The following ULK4 variants were observed in gnomAD, a reference collection of about 807,000 sequenced individuals.
The protein encoded by ULK4 is unc-51 like kinase 4, also known as inactive serine/threonine-protein kinase ULK4.
In ULK4, 133 loss-of-function variants were observed where a neutral mutation model predicts 160.6. The ratio of observed to expected loss-of-function variants is 0.83; its 90% CI spans 0.72 to 0.96. The LOEUF is 0.96. Ranked by LOEUF, ULK4 falls within the 40% of genes least tolerant of loss-of-function variation. ULK4 has a pLI of 0.00. For synonymous variants in ULK4, 534 were observed against 539.8 expected, an observed-to-expected ratio of 0.99 and a Z score of 0.15; for missense variants, 1,580 against 1,499.5, an observed-to-expected ratio of 1.05 and a Z score of -0.89.
intron 17 of ULK4, among the ~76,000 whole-genome samples, chr3:41,842,334 G>T: frequency 6.6e-6 from 1 of 152,044 alleles, no homozygotes; most frequent in Non-Finnish European, 1.5e-5. Context: ...AAAAATGGTT[G>T]CAATTATTCT....
Position 41,787,841 on chromosome 3 carries a change from T to C in ULK4, c.2193+1820A>G, listed in dbSNP as rs184293740. On this transcript the variant is annotated intron_variant, in intron 21 of 36. Coordinates refer to ENST00000301831, the MANE Select transcript of ULK4 (RefSeq NM_017886.4). ...CTTAAGACATGTGGAATAGTAGTTATATATGATAAATAATTAAAATTATAT... is the reference window on the plus strand; with the variant it reads ...CTTAAGACATGTGGAATAGTAGTTACATATGATAAATAATTAAAATTATAT... 4.0e-3 allele frequency among the ~76,000 whole-genome samples: 610 copies of C among 152,338 alleles called. 4 individuals carry two copies. The highest frequency in any genetic ancestry group is 0.017 in the Middle Eastern group (5 of 294).
At chr3:41,275,658 CTT>C (rs758970693) in intron 35 of ULK4, among the ~76,000 whole-genome samples, 52 of 152,206 alleles carry the variant, frequency 3.4e-4, no homozygotes, top group Non-Finnish European at 6.8e-4. Flanking sequence ...TCAGAGCAAA[CTT>C]TTTCAGCTAC....
At chr3:41,483,739 G>A (rs574114294) in intron 32 of ULK4, among the ~76,000 whole-genome samples, 80 of 152,136 alleles carry the variant, frequency 5.3e-4, no homozygotes, top group Non-Finnish European at 1.1e-3. Flanking sequence ...TTGCAAATGT[G>A]ATTAAGCTAA....
intron 35 of ULK4, among the ~76,000 whole-genome samples, chr3:41,339,935 C>T (rs780776106): frequency 6.6e-6 from 1 of 152,022 alleles, no homozygotes; most frequent in Non-Finnish European, 1.5e-5. Context: ...GCGCTTGTTA[C>T]AAAGAAATAA....
chr3:41,377,817 A>G (rs200488030), intron 35 of ULK4, among the ~76,000 whole-genome samples: 2,310 of 137,856 alleles, frequency 0.017, 53 homozygotes, highest in East Asian at 0.063. Context: ...TCAGTGTGGC[A>G]ATTCCTCAGG....
chr3:41,817,397 A>C (rs2041006023), intron 19 of ULK4, among the ~76,000 whole-genome samples: 1 of 152,220 alleles, frequency 6.6e-6, no homozygotes, highest in Admixed American at 6.5e-5. Context: ...ATATGTGGAC[A>C]AAGAAAATGT....
At chr3:41,727,733 T>C (rs965693981) in intron 22 of ULK4, among the ~76,000 whole-genome samples, 1 of 151,766 alleles carries the variant, frequency 6.6e-6, no homozygotes, top group Non-Finnish European at 1.5e-5. Flanking sequence ...ATCTGACATG[T>C]GGTTAAAAAA....
intron 35 of ULK4, among the ~76,000 whole-genome samples, chr3:41,255,777 ATGG>A (rs2078823439): frequency 6.6e-6 from 1 of 152,236 alleles, no homozygotes; most frequent in African/African-American, 2.4e-5. Context: ...ATCCACAATC[ATGG>A]TGACATACTT....
chr3:41,939,792 G>A (rs903138530), intron 2 of ULK4, among the ~76,000 whole-genome samples: 1 of 152,078 alleles, frequency 6.6e-6, no homozygotes, highest in Non-Finnish European at 1.5e-5. Flanking sequence ...ATTACCGCTT[G>A]AGCTCGCCTC....
chr3:41,689,597 A>T (rs1469159215), intron 27 of ULK4, among the ~76,000 whole-genome samples: 1 of 152,230 alleles, frequency 6.6e-6, no homozygotes, highest in East Asian at 1.9e-4. Flanking sequence ...TTTACAAGAA[A>T]AAAACAAACA....
At chr3:41,474,867 G>C (rs1351361604) in intron 32 of ULK4, among the ~76,000 whole-genome samples, 2 of 149,426 alleles carry the variant, frequency 1.3e-5, no homozygotes, top group African/African-American at 4.9e-5. Context: ...GTGGAGGAAA[G>C]GGAACTCCTG....
At chr3:41,368,810 C>T (rs2081304130) in intron 35 of ULK4, among the ~76,000 whole-genome samples, 1 of 151,946 alleles carries the variant, frequency 6.6e-6, no homozygotes, top group South Asian at 2.1e-4. Flanking sequence ...TGAGTTGTCC[C>T]TACTTTTTGG....
chr3:41,601,392 G>A (rs865794331), intron 31 of ULK4, among the ~76,000 whole-genome samples: 11 of 152,196 alleles, frequency 7.2e-5, no homozygotes, highest in South Asian at 4.2e-4. Context: ...GGAAAAATTC[G>A]AAATAATTTA....
At chr3:41,954,179 A>AT (rs1179057995) in intron 2 of ULK4, among the ~76,000 whole-genome samples, 4 of 146,086 alleles carry the variant, frequency 2.7e-5, no homozygotes, top group Non-Finnish European at 6.0e-5. Flanking sequence ...TCCGTCTTAA[A>AT]AAAAAAAAAA....
intron 11 of ULK4, among the ~76,000 whole-genome samples, chr3:41,909,655 C>T (rs1698706593): frequency 6.6e-6 from 1 of 151,958 alleles, no homozygotes; most frequent in Non-Finnish European, 1.5e-5. Flanking sequence ...GTGGAGGCTG[C>T]AGTAGGCCGA....
At chr3:41,465,535 C>T (rs1428127960) in intron 32 of ULK4, among the ~76,000 whole-genome samples, 1 of 152,146 alleles carries the variant, frequency 6.6e-6, no homozygotes, top group African/African-American at 2.4e-5. Flanking sequence ...TCCATTTGGT[C>T]ATGGACCTTA....
intron 22 of ULK4, among the ~76,000 whole-genome samples, chr3:41,721,371 T>A (rs1316785585): frequency 8.6e-5 from 11 of 127,938 alleles, no homozygotes; most frequent in African/African-American, 3.0e-4. Flanking sequence ...TATTTTTTTT[T>A]TTTTTTTTTT....
intron 21 of ULK4, among the ~76,000 whole-genome samples, chr3:41,767,357 A>G (rs2039201551): frequency 2.0e-5 from 3 of 152,040 alleles, no homozygotes; most frequent in Non-Finnish European, 2.9e-5. Context: ...TTTATTATGT[A>G]TTAAAATACT....
At chr3:41,903,155 C>A (rs79920713) in intron 12 of ULK4, among the ~76,000 whole-genome samples, 6,505 of 152,238 alleles carry the variant, frequency 0.043, 431 homozygotes, top group African/African-American at 0.15. Context: ...TGAGGAGGAA[C>A]TGCTAGTAAA....
Sources: gnomAD v4.1 joint callset for allele counts (sites outside exome capture counted in the v4.1 genomes callset) on GRCh38, gnomAD v4.1.1 for gene constraint, MANE v1.5 for transcripts, NCBI Gene and HGNC (gene_info 2026-07-23, HGNC 2026-07-21) for gene names.